CNGA1: variants seen among roughly 807,000 people sequenced by gnomAD.
CNGA1 encodes cyclic nucleotide-gated channel alpha-1.
In CNGA1, 53 loss-of-function variants were observed where a neutral mutation model predicts 69.7. That is an observed-to-expected ratio of 0.76 (90% CI 0.61 to 0.96). The LOEUF is 0.96. Among genes scored for constraint, CNGA1 ranks in the 40% least tolerant of loss-of-function variants. The pLI, the probability that CNGA1 is intolerant of heterozygous loss-of-function variation, is 0.00. For synonymous variants in CNGA1, 249 were observed against 283.5 expected (o/e 0.88, Z 1.22); for missense variants, 739 against 811.2 (o/e 0.91, Z 1.08).
At chr4:47,971,575 A>G (rs1310776825) in intron 3 of CNGA1, among the ~76,000 whole-genome samples, 1 of 152,160 alleles carries the variant, frequency 6.6e-6, no homozygotes, top group Non-Finnish European at 1.5e-5. Context: ...TGAAAAAAAT[A>G]AAACTTTATA....
intron 2 of CNGA1, among the ~76,000 whole-genome samples, chr4:47,999,835 C>T (rs1714582681): frequency 6.6e-6 from 1 of 152,168 alleles, no homozygotes; most frequent in Non-Finnish European, 1.5e-5. Context: ...CATGCTCCTG[C>T]ACTCTCCAGC....
chr4:47,999,526 C>T (rs987296523), intron 2 of CNGA1, among the ~76,000 whole-genome samples: 1 of 152,058 alleles, frequency 6.6e-6, no homozygotes, highest in Non-Finnish European at 1.5e-5. Context: ...AAATGTGACC[C>T]ATAATCAGGA....
At chr4:47,970,666 A>G (rs558920350) in intron 3 of CNGA1, among the ~76,000 whole-genome samples, 1 of 151,126 alleles carries the variant, frequency 6.6e-6, no homozygotes, top group East Asian at 2.0e-4. Flanking sequence ...AAAAAAAGAA[A>G]GAAAACAAGA....
At chr4:47,966,183 G>T (rs1031797082) in intron 3 of CNGA1, among the ~76,000 whole-genome samples, 1 of 152,186 alleles carries the variant, frequency 6.6e-6, no homozygotes, top group African/African-American at 2.4e-5. Context: ...TGAATACATG[G>T]AACAGTATAT....
chr4:47,947,175 C>T (rs1316463152), intron 6 of CNGA1, among the ~76,000 whole-genome samples: 1 of 152,142 alleles, frequency 6.6e-6, no homozygotes, highest in Admixed American at 6.6e-5. Flanking sequence ...TATTTATCAG[C>T]CCCCACCTGT....
chr4:48,007,785 A>G (rs900177004), intron 2 of CNGA1, among the ~76,000 whole-genome samples: 2 of 152,234 alleles, frequency 1.3e-5, no homozygotes, highest in Non-Finnish European at 2.9e-5. Flanking sequence ...CAAAAGGCAA[A>G]AGAAAAACCC....
In CNGA1 at chr4:47,971,617, C is replaced by T. The variant is rs201376882; in HGVS notation, c.-15+9776G>A. Among the ~76,000 whole-genome samples the T allele has an allele frequency of 7.2e-5, 11 of 152,218 alleles. No individual in the cohort carries two copies. In the East Asian group the frequency reaches 2.1e-3, roughly 29 times the overall value. On this transcript the variant is annotated intron_variant, in intron 3 of 10. Transcript: ENST00000514170. ...GTTCTTTTAAAAAACCGTGGCCAGGCACGGTGGCTCACGCTTGCAATCCCA... is the reference window on the plus strand; with the variant it reads ...GTTCTTTTAAAAAACCGTGGCCAGGTACGGTGGCTCACGCTTGCAATCCCA...
At chr4:48,005,105 A>AT (rs1714858952) in intron 2 of CNGA1, among the ~76,000 whole-genome samples, 3 of 145,374 alleles carry the variant, frequency 2.1e-5, no homozygotes, top group Non-Finnish European at 4.5e-5. Flanking sequence ...TTGCTTTTTT[A>AT]TTATTTATTT....
At chr4:48,014,632 T>C (rs575490095) in intron 1 of CNGA1, among the ~76,000 whole-genome samples, 12 of 152,354 alleles carry the variant, frequency 7.9e-5, no homozygotes, top group Admixed American at 2.0e-4. Flanking sequence ...AGTTACTCAA[T>C]CTTTGTGTGC....
At chr4:47,939,852 C>G in intron 10 of CNGA1, among the ~76,000 whole-genome samples, 1 of 152,320 alleles carries the variant, frequency 6.6e-6, no homozygotes, top group East Asian at 1.9e-4. Flanking sequence ...AGCAATGTGC[C>G]TAATAGCCCA....
intron 3 of CNGA1, among the ~76,000 whole-genome samples, chr4:47,963,251 A>G (rs1740559434): frequency 6.6e-6 from 1 of 152,266 alleles, no homozygotes; most frequent in Non-Finnish European, 1.5e-5. Context: ...ACGCCAAGCC[A>G]ATAACTGGAT....
intron 1 of CNGA1, among the ~76,000 whole-genome samples, chr4:48,014,198 C>A (rs1715281835): frequency 6.6e-6 from 1 of 152,004 alleles, no homozygotes; most frequent in Non-Finnish European, 1.5e-5. Flanking sequence ...TTTAGTTAAA[C>A]AAACAACATG....
chr4:48,009,996 G>T (rs552622017), intron 2 of CNGA1, among the ~76,000 whole-genome samples: 1 of 152,164 alleles, frequency 6.6e-6, no homozygotes, highest in Admixed American at 6.5e-5. Flanking sequence ...ACATCTTATA[G>T]ATTCATAAAG....
intron 5 of CNGA1, among the ~76,000 whole-genome samples, chr4:47,950,796 C>T (rs1477916372): frequency 1.3e-5 from 2 of 152,206 alleles, no homozygotes; most frequent in Non-Finnish European, 2.9e-5. Flanking sequence ...TTATTTCCTA[C>T]TAAGGATATT....
At chr4:47,939,495 G>A (rs1425591768) in intron 10 of CNGA1, among the ~76,000 whole-genome samples, 2 of 152,104 alleles carry the variant, frequency 1.3e-5, no homozygotes, top group Non-Finnish European at 2.9e-5. Flanking sequence ...TGTAAGTTGT[G>A]CTAGCAAATT....
chr4:47,992,553 CTA>C (rs1286221908), intron 2 of CNGA1, among the ~76,000 whole-genome samples: 1 of 152,026 alleles, frequency 6.6e-6, no homozygotes, highest in Non-Finnish European at 1.5e-5. Context: ...TTTATCAGTT[CTA>C]TGAGTTTTCT....
chr4:47,976,555 C>A (rs1165967435), intron 3 of CNGA1, among the ~76,000 whole-genome samples: 2 of 151,802 alleles, frequency 1.3e-5, no homozygotes, highest in African/African-American at 4.8e-5. Context: ...GTTCCCTGGA[C>A]TGTAATTCCA....
intron 3 of CNGA1, among the ~76,000 whole-genome samples, chr4:47,964,145 G>A (rs115520910): frequency 6.6e-6 from 1 of 152,286 alleles, no homozygotes; most frequent in African/African-American, 2.4e-5. Flanking sequence ...ATGAAGACAT[G>A]ACTATTCTGG....
intron 8 of CNGA1, among the ~76,000 whole-genome samples, chr4:47,942,349 A>G (rs1739133803): frequency 7.1e-6 from 1 of 140,252 alleles, no homozygotes; most frequent in African/African-American, 2.7e-5. Context: ...GATAGATAAC[A>G]AAACTACCAG....
Sources: gnomAD v4.1 joint callset for allele counts (sites outside exome capture counted in the v4.1 genomes callset) on GRCh38, gnomAD v4.1.1 for gene constraint, MANE v1.5 for transcripts, NCBI Gene and HGNC (gene_info 2026-07-23, HGNC 2026-07-21) for gene names.